PVT1: variants seen among roughly 807,000 people sequenced by gnomAD.
PVT1 encodes CXCR4/PVT1 fusion.
chr8:127,812,244 AAGGC>A (rs1409746975), intron 2 of PVT1, among the ~76,000 whole-genome samples: 3,793 of 120,870 alleles, frequency 0.031, 84 homozygotes, highest in African/African-American at 0.069. Flanking sequence ...GGAAGGAAGG[AAGGC>A]AGGAAGGCAG....
intron 3 of PVT1, among the ~76,000 whole-genome samples, chr8:127,951,693 C>G (rs1816507412): frequency 6.6e-6 from 1 of 152,146 alleles, no homozygotes; most frequent in African/African-American, 2.4e-5. Flanking sequence ...AACTGTTTGC[C>G]CTATTTTGCA....
At chr8:127,934,568 G>A (rs538121333) in intron 3 of PVT1, among the ~76,000 whole-genome samples, 3 of 152,316 alleles carry the variant, frequency 2.0e-5, no homozygotes, top group South Asian at 4.1e-4. Context: ...ATGGTCTTAG[G>A]TCAGGAAAGA....
intron 3 of PVT1, among the ~76,000 whole-genome samples, chr8:127,933,509 T>G (rs1816236299): frequency 6.6e-6 from 1 of 152,156 alleles, no homozygotes; most frequent in Admixed American, 6.5e-5. Flanking sequence ...GTGGGTATAG[T>G]TTCTTAATGT....
At chr8:128,057,769 C>T (rs796798717) in intron 4 of PVT1, among the ~76,000 whole-genome samples, 1 of 152,144 alleles carries the variant, frequency 6.6e-6, no homozygotes, top group African/African-American at 2.4e-5. Context: ...AAATCTCCCC[C>T]ACGGTGTGTG....
intron 3 of PVT1, among the ~76,000 whole-genome samples, chr8:127,962,796 C>T (rs1463662581): frequency 1.3e-5 from 2 of 151,958 alleles, no homozygotes; most frequent in Admixed American, 6.6e-5. Flanking sequence ...GGGGTTTCAC[C>T]GTGTTGGCCA....
intron 4 of PVT1, among the ~76,000 whole-genome samples, chr8:128,056,037 G>T (rs1405917295): frequency 1.3e-5 from 2 of 152,112 alleles, no homozygotes; most frequent in Non-Finnish European, 2.9e-5. Context: ...TGCTTTTCAG[G>T]TTTATGACTC....
At chr8:127,820,579 G>T (rs1168291925) in intron 2 of PVT1, among the ~76,000 whole-genome samples, 1 of 152,180 alleles carries the variant, frequency 6.6e-6, no homozygotes, top group Non-Finnish European at 1.5e-5. Flanking sequence ...GGGTGCTTGG[G>T]TGAAGAATTA....
chr8:128,088,905 A>G (rs1395372748), intron 5 of PVT1, among the ~76,000 whole-genome samples: 1 of 152,182 alleles, frequency 6.6e-6, no homozygotes, highest in Non-Finnish European at 1.5e-5. Context: ...TCAGAGGAGG[A>G]GAGAGGGGAA....
At chr8:128,090,579 C>T (rs1187592764) in intron 5 of PVT1, among the ~76,000 whole-genome samples, 1 of 152,028 alleles carries the variant, frequency 6.6e-6, no homozygotes, top group Non-Finnish European at 1.5e-5. Context: ...GGATGGGGGG[C>T]TGAGGAGAAG....
chr8:127,954,264 A>G (rs973412766), intron 3 of PVT1, among the ~76,000 whole-genome samples: 4 of 148,920 alleles, frequency 2.7e-5, no homozygotes, highest in African/African-American at 9.9e-5. Context: ...TGGTTGTGTG[A>G]CTGCTGTGAC....
rs553605022 is a variant in PVT1, at chr8:127,832,672, C to T, written n.372+36601C>T. 3.3e-3 allele frequency among the ~76,000 whole-genome samples: 508 copies of T among 152,256 alleles called. 2 individuals are homozygous for T. The highest frequency in any genetic ancestry group is 4.1e-3 in the Non-Finnish European group (276 of 68,020). On this transcript the variant is annotated intron_variant and non_coding_transcript_variant, in intron 2 of 10. Coordinates refer to ENST00000651587, the Ensembl canonical transcript of PVT1. ...AGGAGATAGAGACCATCCTGGCTAA[C>T]ATGGTGAAACCCCATCTCTACTAAA...
chr8:127,827,424 C>A (rs1814802853), intron 2 of PVT1, among the ~76,000 whole-genome samples: 1 of 152,182 alleles, frequency 6.6e-6, no homozygotes, highest in Admixed American at 6.5e-5. Context: ...GCCAACTGCT[C>A]CTCTGGTTCA....
chr8:127,967,910 G>A (rs1052519314), intron 3 of PVT1, among the ~76,000 whole-genome samples: 11 of 152,212 alleles, frequency 7.2e-5, no homozygotes, highest in Admixed American at 5.9e-4. Flanking sequence ...GACATTTATT[G>A]AGCGCCTGTA....
intron 3 of PVT1, among the ~76,000 whole-genome samples, chr8:127,943,297 C>T (rs1365886995): frequency 2.0e-5 from 3 of 152,162 alleles, no homozygotes; most frequent in African/African-American, 7.2e-5. Flanking sequence ...CAATTCCAGC[C>T]CAGCCCTTTA....
intron 3 of PVT1, among the ~76,000 whole-genome samples, chr8:127,930,122 TAAAA>T (rs1404909261): frequency 6.6e-6 from 1 of 151,970 alleles, no homozygotes; most frequent in African/African-American, 2.4e-5. Flanking sequence ...TAACAATAAT[TAAAA>T]AAAACCAACC....
At chr8:127,969,321 G>A (rs1453123700) in intron 3 of PVT1, among the ~76,000 whole-genome samples, 1 of 152,156 alleles carries the variant, frequency 6.6e-6, no homozygotes, top group African/African-American at 2.4e-5. Context: ...CCCAGGCTCT[G>A]CTGGTTTCCA....
In PVT1 at chr8:127,878,666, G is replaced by T. The variant is rs190172188; in HGVS notation, n.373-11923G>T. 5.5e-4 allele frequency among the ~76,000 whole-genome samples: 84 copies of T among 152,302 alleles called. No individual in the cohort carries two copies. In the Middle Eastern group the frequency reaches 0.014, roughly 25 times the overall value. On this transcript the variant is annotated intron_variant and non_coding_transcript_variant, in intron 2 of 10. Coordinates refer to ENST00000651587, the Ensembl canonical transcript of PVT1. ...CTGGTCTGGTCTAGTTAATTAAAAA[G>T]AAGGCTATCGTGAGGTAACCCTGGG...
intron 3 of PVT1, chr8:127,947,490 A>G: frequency 2.9e-6 from 1 of 345,432 alleles, no homozygotes; most frequent in African/African-American, 2.1e-5. Context: ...TCCTCTGCCC[A>G]TCCCAATGCC....
chr8:127,852,261 G>C (rs1218265236), intron 2 of PVT1: 1 of 152,256 alleles, frequency 6.6e-6, no homozygotes, highest in African/African-American at 2.4e-5. Context: ...GCGTCAGAAA[G>C]CTGCATTGCG....
Sources: allele counts gnomAD v4.1 joint callset (sites outside exome capture counted in the v4.1 genomes callset), GRCh38; gene constraint gnomAD v4.1.1; transcripts MANE v1.5; gene names NCBI Gene and HGNC (gene_info 2026-07-23, HGNC 2026-07-21).